CLEC16A: variants seen among roughly 807,000 people sequenced by gnomAD.
CLEC16A encodes C-type lectin domain containing 16A, also known as protein CLEC16A.
A neutral mutation model predicts 109.5 loss-of-function variants in CLEC16A; 51 were observed. The ratio of observed to expected loss-of-function variants is 0.47; its 90% CI spans 0.37 to 0.59. The LOEUF is 0.59. Among genes scored for constraint, CLEC16A ranks in the 20% least tolerant of loss-of-function variants. The pLI is 0.00. For missense variants in CLEC16A, 1,339 were observed against 1,394.0 expected, an observed-to-expected ratio of 0.96 and a Z score of 0.63; for synonymous variants, 673 against 564.2, an observed-to-expected ratio of 1.19 and a Z score of -2.73.
rs200722169 is a variant in CLEC16A, at chr16:11,179,813, C to G, written c.*1123C>G. On this transcript the variant is annotated 3_prime_UTR_variant, in exon 24 of 24. Coordinates refer to ENST00000409790, the MANE Select transcript of CLEC16A (RefSeq NM_015226.3). ...CCCAGAGCTCTGAGTCTGTCACTCTCCCTCTGCTACTGCTGCTGATCTGAA... is the reference window on the plus strand; with the variant it reads ...CCCAGAGCTCTGAGTCTGTCACTCTGCCTCTGCTACTGCTGCTGATCTGAA... The G allele has an allele frequency of 1.3e-5, 2 of 152,448 alleles. No homozygotes were observed. The highest frequency in any genetic ancestry group is 2.9e-5 in the Non-Finnish European group (2 of 68,198). 9.4% of individuals were successfully genotyped at this position (152,448 alleles called of 1,614,324 possible). A position where few individuals can be genotyped will look rare whatever the true frequency, so the allele number is the denominator to read the frequency against.
At chr16:11,132,439 T>G (rs913253833) in intron 22 of CLEC16A, among the ~76,000 whole-genome samples, 4 of 152,136 alleles carry the variant, frequency 2.6e-5, no homozygotes, top group Non-Finnish European at 5.9e-5. Flanking sequence ...TAGACGTTGT[T>G]TTGCTTCCAC....
chr16:11,127,493 A>G (rs2052907861), intron 22 of CLEC16A, among the ~76,000 whole-genome samples: 2 of 152,208 alleles, frequency 1.3e-5, no homozygotes, highest in Non-Finnish European at 2.9e-5. Flanking sequence ...ATCTTGATAT[A>G]TGTAGTCCCA....
intron 19 of CLEC16A, among the ~76,000 whole-genome samples, chr16:11,098,454 C>G (rs1007290371): frequency 4.6e-5 from 7 of 152,234 alleles, no homozygotes; most frequent in Non-Finnish European, 7.3e-5. Context: ...CCTTCAAGAA[C>G]TGTCAGCCTC....
chr16:11,035,749 C>G (rs1353081311), intron 13 of CLEC16A, among the ~76,000 whole-genome samples: 1 of 152,230 alleles, frequency 6.6e-6, no homozygotes, highest in African/African-American at 2.4e-5. Context: ...TTAGCAGAAT[C>G]CTCTCCTCCT....
intron 22 of CLEC16A, among the ~76,000 whole-genome samples, chr16:11,147,964 T>G (rs940023725): frequency 6.6e-6 from 1 of 152,216 alleles, no homozygotes; most frequent in African/African-American, 2.4e-5. Context: ...TTTTTTCCAT[T>G]TCTTTTTGAC....
chr16:11,138,554 C>G (rs1483682550), intron 22 of CLEC16A, among the ~76,000 whole-genome samples: 1 of 152,174 alleles, frequency 6.6e-6, no homozygotes, highest in Non-Finnish European at 1.5e-5. Context: ...ATTCTGGCCC[C>G]TTCACTGCAT....
chr16:11,027,825 T>C, intron 13 of CLEC16A: 2 of 745,708 alleles, frequency 2.7e-6, no homozygotes, highest in Non-Finnish European at 4.6e-6. Flanking sequence ...TGTTTTGTTG[T>C]TTTGGGAATT....
At chr16:11,142,441 C>T (rs1267742322) in intron 22 of CLEC16A, among the ~76,000 whole-genome samples, 1 of 152,238 alleles carries the variant, frequency 6.6e-6, no homozygotes, top group African/African-American at 2.4e-5. Flanking sequence ...AAGCAGCTGT[C>T]TAGGCTTCAT....
chr16:11,010,022 G>A (rs1413839699), intron 11 of CLEC16A, among the ~76,000 whole-genome samples: 1 of 152,118 alleles, frequency 6.6e-6, no homozygotes, highest in African/African-American at 2.4e-5. Flanking sequence ...TCACAGCGGT[G>A]TGTGCCTGTA....
At position 11,020,304 on chromosome 16, in the gene CLEC16A, C is replaced by G; in HGVS notation, c.1415C>G (p.Ser472Cys). ...DEEKSAAATC[S>C]ESTQWSRPFL... is the part of the protein sequence containing the mutation. ...GAGAAAAGCGCCGCCGCCACCTGCT[C>G]TGAGAGCACGCAATGGAGCAGGTAG... Residue 472 changes from serine (S) to cysteine (C), a missense_variant, in exon 12 of 24, where the codon TCT becomes TGT. Around this residue, in one of 3 missense-constraint regions of CLEC16A, gnomAD observed 1,061 missense variants for 1,006.8 expected, o/e 1.05. Transcript: ENST00000409790. The G allele has an allele frequency of 6.2e-7, 1 of 1,612,434 alleles. No individual in the cohort carries two copies. The highest frequency in any genetic ancestry group is 8.5e-7 in the Non-Finnish European group (1 of 1,179,214).
At chr16:11,155,474 G>A (rs899429829) in intron 22 of CLEC16A, among the ~76,000 whole-genome samples, 1 of 152,242 alleles carries the variant, frequency 6.6e-6, no homozygotes, top group Non-Finnish European at 1.5e-5. Flanking sequence ...GAAGGCTCGT[G>A]TCCAGCCGTC....
chr16:11,168,739 A>T lies in CLEC16A; in HGVS notation c.2806+2187A>T, dbSNP rs559533129. Reference sequence around the variant, plus strand: ...TGGGCTTCCCATGTTCCTTGTAGGGATGGGCCTAACCAGATGGCTCCAACA... The same window carrying T: ...TGGGCTTCCCATGTTCCTTGTAGGGTTGGGCCTAACCAGATGGCTCCAACA... On this transcript the variant is annotated intron_variant, in intron 23 of 23. Coordinates refer to ENST00000409790, the MANE Select transcript of CLEC16A (RefSeq NM_015226.3). 3.3e-5 allele frequency among the ~76,000 whole-genome samples: 5 copies of T among 152,344 alleles called. No individual in the cohort carries two copies. In the South Asian group the frequency reaches 1.0e-3, roughly 32 times the overall value.
intron 10 of CLEC16A, among the ~76,000 whole-genome samples, chr16:10,992,261 C>T (rs1449213244): frequency 6.7e-6 from 1 of 149,928 alleles, no homozygotes; most frequent in East Asian, 1.9e-4. Flanking sequence ...CCACCCTCTC[C>T]CCATCTTCCC....
At chr16:10,997,493 A>T (rs1290843523) in intron 10 of CLEC16A, among the ~76,000 whole-genome samples, 1 of 152,198 alleles carries the variant, frequency 6.6e-6, no homozygotes, top group East Asian at 1.9e-4. Flanking sequence ...TGCCTTTTCA[A>T]AGTTTTTTAA....
intron 20 of CLEC16A, among the ~76,000 whole-genome samples, 175 bp downstream of exon 20, chr16:11,120,941 C>T (rs930743477): frequency 6.6e-6 from 1 of 152,118 alleles, no homozygotes; most frequent in Non-Finnish European, 1.5e-5. Context: ...CACATAAATG[C>T]ACAGATAAGA....
intron 3 of CLEC16A, among the ~76,000 whole-genome samples, chr16:10,968,741 C>T (rs1403271268): frequency 6.6e-6 from 1 of 152,086 alleles, no homozygotes; most frequent in Non-Finnish European, 1.5e-5. Context: ...AGGAAAAAAA[C>T]CCTACTGTGG....
At position 10,961,972 on chromosome 16, in the gene CLEC16A, T is replaced by TC. The variant is rs557778475; in HGVS notation, c.210-483_210-482insC. On this transcript the variant is annotated intron_variant, in intron 2 of 23. Transcript: ENST00000409790. This position sits in a 1 kb window ranked among gnomAD's most constrained non-coding sequence, Gnocchi z 4.3. ...GAACTTTTTTTTCTTTTTTTTCTTTTTTTTTTTTTTGGCTCTGTCACCCAG... is the reference window on the plus strand; with the variant it reads ...GAACTTTTTTTTCTTTTTTTTCTTTTCTTTTTTTTTTGGCTCTGTCACCCAG... 2.0e-5 allele frequency among the ~76,000 whole-genome samples: 3 copies of TC among 150,094 alleles called. 1 individual carries two copies.
chr16:11,145,301 C>T (rs970262647), intron 22 of CLEC16A, among the ~76,000 whole-genome samples: 7 of 152,174 alleles, frequency 4.6e-5, no homozygotes, highest in Admixed American at 1.3e-4. Context: ...CCGTGGGGCC[C>T]GATGACCCAC....
intron 19 of CLEC16A, among the ~76,000 whole-genome samples, chr16:11,088,398 T>G (rs1366713798): frequency 6.6e-6 from 1 of 152,230 alleles, no homozygotes; most frequent in Non-Finnish European, 1.5e-5. Context: ...GTGCTGTGGC[T>G]GATGCTTCCG....
Sources: gnomAD v4.1 joint callset for allele counts (sites outside exome capture counted in the v4.1 genomes callset) on GRCh38, gnomAD v4.1.1 for gene constraint, gnomAD v4.1.1 regional missense constraint, Gnocchi (gnomAD v3.1) non-coding constraint, MANE v1.5 for transcripts, NCBI Gene and HGNC (gene_info 2026-07-23, HGNC 2026-07-21) for gene names.